ST6GALNAC3: variants seen among roughly 807,000 people sequenced by gnomAD.
ST6GALNAC3 encodes alpha-N-acetylgalactosaminide alpha-2,6-sialyltransferase 3.
A neutral mutation model predicts 32.7 loss-of-function variants in ST6GALNAC3; 25 were observed. The observed-to-expected ratio is 0.76, with a 90% CI of 0.56 to 1.07. The LOEUF is 1.07. Among genes scored for constraint, ST6GALNAC3 ranks in the 50% least tolerant of loss-of-function variants. The probability of loss-of-function intolerance (pLI) is 0.00; values close to 1 mark genes in which losing one functional copy is unlikely to be tolerated. For missense variants in ST6GALNAC3, 355 were observed against 382.4 expected (o/e 0.93, Z 0.60); for synonymous variants, 129 against 133.1 (o/e 0.97, Z 0.21).
chr1:76,318,688 A>T (rs1484617726), intron 2 of ST6GALNAC3, among the ~76,000 whole-genome samples: 1 of 152,172 alleles, frequency 6.6e-6, no homozygotes, highest in Non-Finnish European at 1.5e-5. Context: ...CTGGCTTTGG[A>T]TATGGTAAAA....
intron 1 of ST6GALNAC3, among the ~76,000 whole-genome samples, chr1:76,290,969 A>G (rs1012106000): frequency 2.0e-5 from 3 of 152,218 alleles, no homozygotes; most frequent in African/African-American, 7.2e-5. Context: ...ATCTAACCAC[A>G]GCTAAAATTT....
At chr1:76,085,208 A>G (rs985068611) in intron 1 of ST6GALNAC3, among the ~76,000 whole-genome samples, 7 of 152,228 alleles carry the variant, frequency 4.6e-5, no homozygotes, top group Admixed American at 3.3e-4. Context: ...CTTATTCACC[A>G]TATCTGCTTT....
At chr1:76,460,899 T>C (rs915277623) in intron 3 of ST6GALNAC3, among the ~76,000 whole-genome samples, 1 of 152,162 alleles carries the variant, frequency 6.6e-6, no homozygotes, top group Non-Finnish European at 1.5e-5. Flanking sequence ...GACTAAGAAT[T>C]TCTGATTTTA....
intron 1 of ST6GALNAC3, among the ~76,000 whole-genome samples, chr1:76,265,125 C>T (rs551175115): frequency 1.7e-4 from 26 of 152,104 alleles, no homozygotes; most frequent in South Asian, 1.7e-3. Context: ...TGATATTTGA[C>T]GGTAGTACAT....
chr1:76,414,748 T>C (rs1376851236), intron 3 of ST6GALNAC3, among the ~76,000 whole-genome samples: 2 of 152,150 alleles, frequency 1.3e-5, no homozygotes, highest in East Asian at 3.9e-4. Flanking sequence ...ATCTCAGATA[T>C]CATATAATTT....
intron 1 of ST6GALNAC3, among the ~76,000 whole-genome samples, chr1:76,106,618 G>A (rs1339952233): frequency 6.6e-6 from 1 of 152,084 alleles, no homozygotes; most frequent in Non-Finnish European, 1.5e-5. Flanking sequence ...CACTTGGTGG[G>A]GTGAGGTGGA....
intron 3 of ST6GALNAC3, among the ~76,000 whole-genome samples, chr1:76,540,076 A>G (rs1204203440): frequency 6.6e-6 from 1 of 152,196 alleles, no homozygotes. Context: ...CTGCAGCACT[A>G]TTTATAATAG....
chr1:76,206,370 A>C (rs1654823294), intron 1 of ST6GALNAC3, among the ~76,000 whole-genome samples: 2 of 152,018 alleles, frequency 1.3e-5, no homozygotes, highest in Non-Finnish European at 2.9e-5. Flanking sequence ...TCAAATCCCA[A>C]CTCTGCTGCT....
chr1:76,346,328 C>G (rs1648510614), intron 2 of ST6GALNAC3, among the ~76,000 whole-genome samples: 1 of 152,194 alleles, frequency 6.6e-6, no homozygotes, highest in Non-Finnish European at 1.5e-5. Context: ...AGAGCTGTGT[C>G]CATGTCCAAG....
At position 76,630,066 on chromosome 1, in the gene ST6GALNAC3, C is replaced by T. The variant is rs1649212722; in HGVS notation, c.*1260C>T. On this transcript the variant is annotated 3_prime_UTR_variant, in exon 5 of 5. Transcript: ENST00000328299. ...TGTTATACCATGTGATGCCCTTGAA[C>T]ACCCCATTGGGCTATTGTCTGTGTA... 3 of 985,098 alleles carry T rather than the reference C, an allele frequency of 3.0e-6. No individual in the cohort carries two copies. The African/African-American group carries it at 5.2e-5, about 17-fold the overall frequency. 61.0% of individuals were successfully genotyped at this position (985,098 alleles called of 1,614,324 possible). A position where few individuals can be genotyped will look rare whatever the true frequency, so the allele number is the denominator to read the frequency against.
At chr1:76,472,141 T>C (rs1659073048) in intron 3 of ST6GALNAC3, among the ~76,000 whole-genome samples, 4 of 152,132 alleles carry the variant, frequency 2.6e-5, no homozygotes, top group Admixed American at 2.6e-4. Context: ...GCCGACATTT[T>C]AGGTGTTTCC....
chr1:76,498,990 G>A (rs1178019162), intron 3 of ST6GALNAC3, among the ~76,000 whole-genome samples: 1 of 152,018 alleles, frequency 6.6e-6, no homozygotes, highest in Admixed American at 6.6e-5. Context: ...AAATAGGGGA[G>A]TAATTTACCC....
intron 1 of ST6GALNAC3, among the ~76,000 whole-genome samples, chr1:76,264,089 C>A (rs1056308814): frequency 6.6e-6 from 1 of 152,132 alleles, no homozygotes; most frequent in Non-Finnish European, 1.5e-5. Context: ...TCTACTCATA[C>A]AGCTGGAAGG....
chr1:76,569,651 A>G (rs1557583580), intron 3 of ST6GALNAC3, among the ~76,000 whole-genome samples: 2 of 152,116 alleles, frequency 1.3e-5, no homozygotes, highest in South Asian at 4.2e-4. Flanking sequence ...TAGGACTACA[A>G]TTAAGATCTC....
chr1:76,540,598 G>T (rs1258354629), intron 3 of ST6GALNAC3, among the ~76,000 whole-genome samples: 1 of 152,112 alleles, frequency 6.6e-6, no homozygotes, highest in African/African-American at 2.4e-5. Context: ...GTTATTCTGT[G>T]TTGTGGGGCT....
intron 3 of ST6GALNAC3, among the ~76,000 whole-genome samples, chr1:76,438,290 T>C (rs1307552309): frequency 2.0e-5 from 3 of 152,110 alleles, no homozygotes; most frequent in Non-Finnish European, 4.4e-5. Context: ...TAGCTGGGAC[T>C]ACAGGCGCCC....
chr1:76,236,213 G>A (rs1185902939), intron 1 of ST6GALNAC3, among the ~76,000 whole-genome samples: 2 of 152,116 alleles, frequency 1.3e-5, no homozygotes, highest in Non-Finnish European at 2.9e-5. Flanking sequence ...CTCCCAAAGT[G>A]CTAGGATTAC....
rs1661896598 is a variant in ST6GALNAC3, at chr1:76,512,069, T to A, written c.623+99652T>A. ...CAGAGACTGTATCTTAGGATCCAAG[T>A]TTGGAATTATTTCCTGACATTAATC... On this transcript the variant is annotated intron_variant, in intron 3 of 4. Coordinates refer to ENST00000328299, the MANE Select transcript of ST6GALNAC3 (RefSeq NM_152996.4). Among the ~76,000 whole-genome samples the A allele has an allele frequency of 2.6e-5, 4 of 152,312 alleles. No individual in the cohort carries two copies. The South Asian group carries it at 8.3e-4, about 32-fold the overall frequency.
chr1:76,506,702 C>T (rs950916453), intron 3 of ST6GALNAC3, among the ~76,000 whole-genome samples: 35 of 152,112 alleles, frequency 2.3e-4, no homozygotes, highest in Admixed American at 1.2e-3. Flanking sequence ...AGGTTCCAGG[C>T]AGGTGCCTTG....
Sources: allele counts gnomAD v4.1 joint callset (sites outside exome capture counted in the v4.1 genomes callset), GRCh38; gene constraint gnomAD v4.1.1; transcripts MANE v1.5; gene names NCBI Gene and HGNC (gene_info 2026-07-23, HGNC 2026-07-21).